The following NFX1 variants were observed in gnomAD, a reference collection of about 807,000 sequenced individuals.
NFX1 encodes transcriptional repressor NF-X1.
In NFX1, 69 loss-of-function variants were observed where a neutral mutation model predicts 137.2. That is an observed-to-expected ratio of 0.50 (90% confidence interval 0.41 to 0.61). The LOEUF (loss-of-function observed/expected upper bound fraction) is 0.61. Among genes scored for constraint, NFX1 ranks in the 20% least tolerant of loss-of-function variants. NFX1 has a pLI of 0.00. For missense variants in NFX1, 1,167 were observed against 1,391.0 expected, an observed-to-expected ratio of 0.84 and a Z score of 2.56; for synonymous variants, 495 against 474.1, an observed-to-expected ratio of 1.04 and a Z score of -0.57.
At chr9:33,359,328 G>C (rs1823917609) in intron 19 of NFX1, among the ~76,000 whole-genome samples, 1 of 152,140 alleles carries the variant, frequency 6.6e-6, no homozygotes, top group Non-Finnish European at 1.5e-5. Context: ...GCCGGGCGCG[G>C]TGGCTCACGC....
At chr9:33,326,849 A>G (rs1404348291) in intron 9 of NFX1, among the ~76,000 whole-genome samples, 8 of 152,192 alleles carry the variant, frequency 5.3e-5, no homozygotes, top group Non-Finnish European at 1.0e-4. Context: ...ATGTATAACA[A>G]TAACTGCACA....
chr9:33,348,895 T>C (rs925385246), intron 15 of NFX1, among the ~76,000 whole-genome samples: 10 of 152,318 alleles, frequency 6.6e-5, no homozygotes, highest in Admixed American at 2.0e-4. Context: ...AAAAAAGATA[T>C]TGTTTTGTAA....
intron 11 of NFX1, among the ~76,000 whole-genome samples, chr9:33,336,836 T>G (rs1823022568): frequency 6.6e-6 from 1 of 152,146 alleles, no homozygotes; most frequent in East Asian, 1.9e-4. Flanking sequence ...GCGCAGTAGC[T>G]CACGCCTGTA....
At chr9:33,367,752 T>C in intron 23 of NFX1, 133 bp downstream of exon 23, 2 of 727,420 alleles carry the variant, frequency 2.7e-6, no homozygotes, top group South Asian at 1.7e-5. Flanking sequence ...TTCAAATATG[T>C]AATGTTTAGT....
intron 1 of NFX1, 65 bp downstream of exon 1, chr9:33,290,662 G>C: frequency 6.6e-7 from 1 of 1,515,228 alleles, no homozygotes; most frequent in East Asian, 2.3e-5. Flanking sequence ...CAGTGACGAA[G>C]TTCTAGGGCC....
chr9:33,339,794 A>ACAGG (rs1823151762), intron 12 of NFX1, among the ~76,000 whole-genome samples: 1 of 152,214 alleles, frequency 6.6e-6, no homozygotes. Context: ...CAAAGGGGCT[A>ACAGG]CAGGCCCCAT....
At chr9:33,339,737 G>C (rs1196725836) in intron 12 of NFX1, among the ~76,000 whole-genome samples, 1 of 152,240 alleles carries the variant, frequency 6.6e-6, no homozygotes, top group Non-Finnish European at 1.5e-5. Flanking sequence ...TGGGAGTACA[G>C]GCATTGGGTA....
chr9:33,363,792 A>G (rs983873421), intron 19 of NFX1, among the ~76,000 whole-genome samples: 2 of 152,202 alleles, frequency 1.3e-5, no homozygotes, highest in African/African-American at 4.8e-5. Flanking sequence ...TGTTCAGCCT[A>G]TGACTTGCTC....
chr9:33,359,467 C>G (rs567765611), intron 19 of NFX1, among the ~76,000 whole-genome samples: 40 of 152,212 alleles, frequency 2.6e-4, no homozygotes, highest in African/African-American at 8.7e-4. Flanking sequence ...GGCATGGTGG[C>G]AGACGCCTGT....
rs375261165 is a variant in NFX1 at position 33,366,744 on chromosome 9, C to T, written c.3155C>T (p.Pro1052Leu). ...GLESVSYDSE[P>L]KRNVVVTAIR... is the part of the protein sequence containing the mutation. Reference sequence around the variant, plus strand: ...GAGAGCGTGAGCTATGACAGTGAACCGAAGCGCAATGTGGTGGTCACTGCC... The same window carrying T: ...GAGAGCGTGAGCTATGACAGTGAACTGAAGCGCAATGTGGTGGTCACTGCC... Residue 1052 changes from proline to leucine, a missense_variant, in exon 22 of 24, where the codon CCG becomes CTG. Coordinates refer to ENST00000379540, the MANE Select transcript of NFX1 (RefSeq NM_002504.6). 2.5e-5 allele frequency: 40 copies of T among 1,614,044 alleles called. No homozygotes were observed. Among genetic ancestry groups the T allele is most frequent in the Non-Finnish European group, 3.1e-5 (37 of 1,180,050 alleles).
intron 11 of NFX1, among the ~76,000 whole-genome samples, chr9:33,335,377 C>A (rs1822965399): frequency 6.6e-6 from 1 of 151,546 alleles, no homozygotes; most frequent in African/African-American, 2.4e-5. Flanking sequence ...ATTACAGGCA[C>A]CCACCACCAT....
intron 15 of NFX1, among the ~76,000 whole-genome samples, chr9:33,349,996 GA>G (rs925829355): frequency 9.2e-5 from 14 of 151,978 alleles, no homozygotes; most frequent in Non-Finnish European, 1.8e-4. Flanking sequence ...AACAGAGCAA[GA>G]TTCTGCCTCA....
intron 4 of NFX1, among the ~76,000 whole-genome samples, chr9:33,305,906 G>A (rs1323876030): frequency 6.6e-6 from 1 of 152,224 alleles, no homozygotes; most frequent in African/African-American, 2.4e-5. Flanking sequence ...TCACAGCTGA[G>A]AGGAGTAGTT....
At chr9:33,314,109 G>A (rs1308993343) in intron 7 of NFX1, among the ~76,000 whole-genome samples, 1 of 151,714 alleles carries the variant, frequency 6.6e-6, no homozygotes, top group Admixed American at 6.6e-5. Context: ...TCAGCCTCCC[G>A]AGTAGCTGGG....
At chr9:33,353,729 C>G (rs1823723340) in intron 17 of NFX1, among the ~76,000 whole-genome samples, 3 of 133,882 alleles carry the variant, frequency 2.2e-5, no homozygotes, top group Admixed American at 8.6e-5. Flanking sequence ...GCTCCTGTTG[C>G]CCAGGCTAGA....
chr9:33,341,081 C>T (rs1262317515), intron 12 of NFX1, among the ~76,000 whole-genome samples: 1 of 152,206 alleles, frequency 6.6e-6, no homozygotes, highest in East Asian at 1.9e-4. Flanking sequence ...CAGTGCCCCA[C>T]TCTGCTGGTA....
At chr9:33,354,538 C>G (rs182424215) in intron 18 of NFX1, among the ~76,000 whole-genome samples, 62 of 152,312 alleles carry the variant, frequency 4.1e-4, no homozygotes, top group African/African-American at 1.3e-3. Flanking sequence ...GGCTGAGCAG[C>G]CAGGGAACAC....
chr9:33,293,348 T>C (rs1024408053), intron 1 of NFX1, among the ~76,000 whole-genome samples: 3 of 152,342 alleles, frequency 2.0e-5, no homozygotes, highest in Non-Finnish European at 2.9e-5. Context: ...TCAGGCTCTA[T>C]ACTGCACCCA....
At chr9:33,321,400 A>C (rs1822378711) in intron 9 of NFX1, among the ~76,000 whole-genome samples, 1 of 152,212 alleles carries the variant, frequency 6.6e-6, no homozygotes, top group African/African-American at 2.4e-5. Flanking sequence ...GTTCAGACCT[A>C]GCTTATCTAT....
Sources: gnomAD v4.1 joint callset for allele counts (sites outside exome capture counted in the v4.1 genomes callset) on GRCh38, gnomAD v4.1.1 for gene constraint, MANE v1.5 for transcripts, NCBI Gene and HGNC (gene_info 2026-07-23, HGNC 2026-07-21) for gene names.